Variants in PIP5K1B observed in about 807,000 individuals in gnomAD.
PIP5K1B encodes the protein phosphatidylinositol-4-phosphate 5-kinase type 1 beta, also known as phosphatidylinositol 4-phosphate 5-kinase type-1 beta.
In PIP5K1B, 42 loss-of-function variants were observed where a neutral mutation model predicts 67.0. The observed-to-expected ratio is 0.63, with a 90% CI of 0.49 to 0.81. PIP5K1B has a LOEUF of 0.81. PIP5K1B is among the 30% of genes least tolerant of loss of function. The probability of loss-of-function intolerance (pLI) is 0.00; values close to 1 mark genes in which losing one functional copy is unlikely to be tolerated. For missense variants in PIP5K1B, 459 were observed against 646.3 expected, an observed-to-expected ratio of 0.71 and a Z score of 3.14; for synonymous variants, 214 against 231.4, an observed-to-expected ratio of 0.92 and a Z score of 0.68.
intron 2 of PIP5K1B, among the ~76,000 whole-genome samples, chr9:68,766,915 T>A (rs1830454684): frequency 6.6e-6 from 1 of 152,176 alleles, no homozygotes; most frequent in African/African-American, 2.4e-5. Flanking sequence ...AGAGAGTCAG[T>A]AACCATGAAA....
Position 69,008,446 on chromosome 9 carries a change from G to A in PIP5K1B, c.1621-1G>A. ...CACACCTGCTTTTTTGCTCCCCCCAGTAAGTGAAAATGGTGATCACCTAAG... is the reference window on the plus strand; with the variant it reads ...CACACCTGCTTTTTTGCTCCCCCCAATAAGTGAAAATGGTGATCACCTAAG... On this transcript the variant is annotated splice_acceptor_variant, in intron 15 of 15. Transcript: ENST00000265382. LOFTEE classifies it high-confidence loss of function. 1 of 1,613,890 alleles carries A rather than the reference G, an allele frequency of 6.2e-7. No individual in the cohort carries two copies. Among genetic ancestry groups the A allele is most frequent in the South Asian group, 1.1e-5 (1 of 91,074 alleles).
intron 2 of PIP5K1B, chr9:68,783,672 A>G (rs1289063374): frequency 6.0e-6 from 1 of 166,980 alleles, no homozygotes; most frequent in African/African-American, 2.4e-5. Flanking sequence ...ACTGATTTTT[A>G]TCAGCTAGAA....
At chr9:68,780,623 G>A (rs1219394683) in intron 2 of PIP5K1B, 4 of 1,614,082 alleles carry the variant, frequency 2.5e-6, no homozygotes, top group Non-Finnish European at 3.4e-6. Context: ...GGGGAATTGG[G>A]AAGCAGTGTT....
chr9:68,852,198 C>T (rs186732323), intron 4 of PIP5K1B, among the ~76,000 whole-genome samples: 1 of 152,158 alleles, frequency 6.6e-6, no homozygotes, highest in Non-Finnish European at 1.5e-5. Context: ...CCTGCATGTT[C>T]TGTACATGTA....
At chr9:68,814,541 G>A (rs1833335096) in intron 2 of PIP5K1B, among the ~76,000 whole-genome samples, 1 of 152,112 alleles carries the variant, frequency 6.6e-6, no homozygotes, top group Non-Finnish European at 1.5e-5. Flanking sequence ...ATTTGGCCGG[G>A]CACGGTGGCC....
At chr9:68,844,528 A>G (rs919046799) in intron 4 of PIP5K1B, among the ~76,000 whole-genome samples, 6 of 152,120 alleles carry the variant, frequency 3.9e-5, no homozygotes, top group African/African-American at 1.4e-4. Flanking sequence ...TGCTGAGAAC[A>G]GGCCCATCAC....
intron 1 of PIP5K1B, among the ~76,000 whole-genome samples, chr9:68,723,311 A>G (rs1408134539): frequency 6.6e-6 from 1 of 152,144 alleles, no homozygotes; most frequent in Non-Finnish European, 1.5e-5. Flanking sequence ...GGGAGTGCAG[A>G]TATCTCTTTG....
chr9:68,841,472 TAG>T (rs1439837557), intron 4 of PIP5K1B, among the ~76,000 whole-genome samples: 1 of 152,210 alleles, frequency 6.6e-6, no homozygotes, highest in Non-Finnish European at 1.5e-5. Context: ...ACGTGGGGTA[TAG>T]AGTCAAGTGA....
chr9:68,850,485 C>T (rs1282687374), intron 4 of PIP5K1B, among the ~76,000 whole-genome samples: 3 of 152,212 alleles, frequency 2.0e-5, no homozygotes, highest in Non-Finnish European at 2.9e-5. Context: ...GGTGTGACAA[C>T]CCAAATTGTC....
At chr9:68,766,035 T>C (rs1214102492) in intron 2 of PIP5K1B, among the ~76,000 whole-genome samples, 4 of 152,178 alleles carry the variant, frequency 2.6e-5, no homozygotes, top group Admixed American at 2.0e-4. Flanking sequence ...TTTCCATTAG[T>C]AGATAATCAA....
chr9:68,736,708 C>T (rs1396312855), intron 1 of PIP5K1B, among the ~76,000 whole-genome samples: 1 of 152,240 alleles, frequency 6.6e-6, no homozygotes, highest in Non-Finnish European at 1.5e-5. Context: ...ACCTCTGCTT[C>T]AGTCACCACT....
At chr9:68,898,805 G>A (rs1039663388) in intron 8 of PIP5K1B, among the ~76,000 whole-genome samples, 29 of 152,152 alleles carry the variant, frequency 1.9e-4, no homozygotes, top group African/African-American at 6.3e-4. Context: ...TGTAGGCACA[G>A]CCACTGCTTT....
chr9:68,948,214 C>T (rs1405126975), intron 14 of PIP5K1B, among the ~76,000 whole-genome samples: 1 of 152,192 alleles, frequency 6.6e-6, no homozygotes, highest in Non-Finnish European at 1.5e-5. Context: ...CAAAAACCTT[C>T]CTTATTCTTC....
rs1195198812 is a variant in PIP5K1B at position 69,009,031 on chromosome 9, A to G, written c.*582A>G. ...AAATGAGAAAAGCAAAGCTATTTAT[A>G]AAAGGCCTTATGTCGTGTACATACA... On this transcript the variant is annotated 3_prime_UTR_variant, in exon 16 of 16. Coordinates refer to ENST00000265382, the MANE Select transcript of PIP5K1B (RefSeq NM_003558.4). 1 of 154,034 alleles carries G rather than the reference A, an allele frequency of 6.5e-6. No homozygotes were observed. Among genetic ancestry groups the G allele is most frequent in the African/African-American group, 2.4e-5 (1 of 41,484 alleles). 9.5% of individuals were successfully genotyped at this position (154,034 alleles called of 1,614,324 possible).
At chr9:68,871,933 A>G (rs986595860) in intron 5 of PIP5K1B, among the ~76,000 whole-genome samples, 1 of 150,852 alleles carries the variant, frequency 6.6e-6, no homozygotes, top group African/African-American at 2.4e-5. Flanking sequence ...CACACCCTAC[A>G]TAAGTGCATT....
chr9:69,004,369 G>A (rs892540206), intron 15 of PIP5K1B, among the ~76,000 whole-genome samples: 2 of 145,414 alleles, frequency 1.4e-5, no homozygotes, highest in African/African-American at 2.5e-5. Flanking sequence ...GTGTGTGTGT[G>A]TACAGAGGTT....
chr9:68,964,547 A>C (rs549350609), intron 14 of PIP5K1B, among the ~76,000 whole-genome samples: 2 of 152,354 alleles, frequency 1.3e-5, no homozygotes, highest in South Asian at 2.1e-4. Context: ...CATATAGCCC[A>C]GGAAGCTGAT....
chr9:68,890,386 G>A (rs1048008068), intron 7 of PIP5K1B, among the ~76,000 whole-genome samples: 1 of 152,104 alleles, frequency 6.6e-6, no homozygotes. Context: ...TTCTATGATT[G>A]GAAGGGCTAC....
At chr9:68,997,240 CA>C (rs904974902) in intron 15 of PIP5K1B, among the ~76,000 whole-genome samples, 3 of 152,162 alleles carry the variant, frequency 2.0e-5, no homozygotes, top group African/African-American at 7.2e-5. Context: ...AATTAGGTCA[CA>C]GGGGTCTTAG....
Sources: gnomAD v4.1 joint callset for allele counts (sites outside exome capture counted in the v4.1 genomes callset) on GRCh38, gnomAD v4.1.1 for gene constraint, MANE v1.5 for transcripts, NCBI Gene and HGNC (gene_info 2026-07-23, HGNC 2026-07-21) for gene names.